Variants in TEX14 observed in about 807,000 individuals in gnomAD.
TEX14 encodes the protein testis expressed 14, intercellular bridge forming factor, also known as inactive serine/threonine-protein kinase TEX14.
Under a neutral mutation model 178.6 loss-of-function variants are expected in TEX14, and 168 were observed. That is an observed-to-expected ratio of 0.94 (90% confidence interval 0.83 to 1.07). The LOEUF (loss-of-function observed/expected upper bound fraction) is 1.07, where lower values mean the gene tolerates loss of function less well. Ranked by LOEUF, TEX14 falls within the 50% of genes least tolerant of loss-of-function variation. The pLI is 0.00. For missense variants in TEX14, 1,730 were observed against 1,753.6 expected (o/e 0.99, Z 0.24); for synonymous variants, 626 against 634.1 (o/e 0.99, Z 0.19).
intron 28 of TEX14, 112 bp from the exon 29 acceptor site, chr17:58,561,724 A>G (rs949606574): frequency 4.3e-5 from 30 of 697,124 alleles, no homozygotes; most frequent in African/African-American, 3.6e-4. Flanking sequence ...TGCTTTCACT[A>G]TATGTATGAA....
At chr17:58,571,261 G>GGCT (rs2044520480) in intron 24 of TEX14, among the ~76,000 whole-genome samples, 1 of 140,384 alleles carries the variant, frequency 7.1e-6, no homozygotes, top group African/African-American at 2.7e-5. Flanking sequence ...TTGGAGACAG[G>GGCT]GTCTCACTCT....
intron 1 of TEX14, among the ~76,000 whole-genome samples, chr17:58,684,682 A>AAAT (rs2047562606): frequency 6.7e-6 from 1 of 149,256 alleles, no homozygotes; most frequent in Admixed American, 6.8e-5. Context: ...AATAAATAAA[A>AAAT]AGCTTTCTTC....
chr17:58,563,683 A>C (rs2044331326), intron 28 of TEX14, among the ~76,000 whole-genome samples: 2 of 99,820 alleles, frequency 2.0e-5, no homozygotes, highest in East Asian at 3.2e-4. Flanking sequence ...AGAGAGAGAG[A>C]GAGAGAGAGA....
intron 28 of TEX14, among the ~76,000 whole-genome samples, chr17:58,563,910 C>T (rs553295839): frequency 6.6e-6 from 1 of 150,480 alleles, no homozygotes; most frequent in South Asian, 2.1e-4. Flanking sequence ...AGATGTTCAA[C>T]ATCATTAATC....
At chr17:58,684,180 C>G (rs144210942) in intron 1 of TEX14, among the ~76,000 whole-genome samples, 1 of 150,596 alleles carries the variant, frequency 6.6e-6, no homozygotes, top group Admixed American at 6.6e-5. Flanking sequence ...TGCTTCCGCC[C>G]GGCATGGTGA....
chr17:58,673,896 A>G (rs2047345252), intron 1 of TEX14, among the ~76,000 whole-genome samples: 3 of 152,110 alleles, frequency 2.0e-5, no homozygotes, highest in Admixed American at 2.0e-4. Context: ...GTTAGGACAT[A>G]TTATCTGTGG....
intron 14 of TEX14, among the ~76,000 whole-genome samples, chr17:58,596,393 C>CT (rs2045282390): frequency 6.6e-6 from 1 of 151,970 alleles, no homozygotes; most frequent in East Asian, 1.9e-4. Flanking sequence ...GTGATCCTCC[C>CT]ACTTCAGCCT....
intron 28 of TEX14, among the ~76,000 whole-genome samples, 160 bp from the exon 29 acceptor site, chr17:58,561,772 G>A (rs941058966): frequency 5.9e-5 from 9 of 152,298 alleles, no homozygotes; most frequent in African/African-American, 2.2e-4. Context: ...TGGAGTCATA[G>A]AGGTCACTTA....
rs866848031 is a variant in TEX14, at chr17:58,585,933, C to T, written c.2938G>A (p.Asp980Asn). ...TGATACTCAATAACTCGCTGCCAAT[C>T]CGTGTTTTCTGGGCTCCTAATGGGG... ...QPPIRSPENT[D>N]WQRVIEYHRE... Residue 980 changes from aspartate (D) to asparagine (N), a missense_variant, in exon 18 of 32, where the codon GAT (aspartate) becomes AAT (asparagine). Asp to Asn is a conservative substitution (Grantham distance 23). Around this residue, in one of 2 missense-constraint regions of TEX14, gnomAD observed 941 missense variants for 1,072.4 expected, o/e 0.88. Coordinates refer to ENST00000349033, the MANE Select transcript of TEX14 (RefSeq NM_031272.5). The T allele has an allele frequency of 6.2e-7, 1 of 1,613,944 alleles. No individual in the cohort carries two copies. Among genetic ancestry groups the T allele is most frequent in the African/African-American group, 1.3e-5 (1 of 74,858 alleles).
chr17:58,576,113 G>A (rs2044668755), intron 21 of TEX14, among the ~76,000 whole-genome samples: 1 of 152,208 alleles, frequency 6.6e-6, no homozygotes, highest in Non-Finnish European at 1.5e-5. Context: ...ATGTTATTGT[G>A]CCAGATACGT....
chr17:58,600,239 T>A (rs1361085777), intron 13 of TEX14, among the ~76,000 whole-genome samples: 7 of 152,114 alleles, frequency 4.6e-5, no homozygotes, highest in Non-Finnish European at 1.0e-4. Flanking sequence ...AACAGTAGCC[T>A]AGGGCCAGGC....
intron 2 of TEX14, among the ~76,000 whole-genome samples, chr17:58,638,538 T>G (rs1042384897): frequency 6.6e-6 from 1 of 152,080 alleles, no homozygotes; most frequent in Non-Finnish European, 1.5e-5. Flanking sequence ...GATTGGAGAC[T>G]ATAATTCTTT....
In TEX14 at chr17:58,603,590, C is replaced by G. The variant is rs533156395; in HGVS notation, c.1337-1000G>C. Among the ~76,000 whole-genome samples the G allele has an allele frequency of 3.4e-4, 49 of 145,258 alleles. No individual in the cohort carries two copies. The South Asian group carries it at 9.7e-3, about 29-fold the overall frequency. On this transcript the variant is annotated intron_variant, in intron 11 of 31. Coordinates refer to ENST00000349033, the MANE Select transcript of TEX14 (RefSeq NM_031272.5). ...AAAAAAAAAGCCTTGCACGTTGGCT[C>G]ACGCCTGTAATCCCAGCACTTTAGG...
chr17:58,592,428 G>T (rs1439328037), intron 15 of TEX14, among the ~76,000 whole-genome samples: 1 of 151,506 alleles, frequency 6.6e-6, no homozygotes, highest in Non-Finnish European at 1.5e-5. Flanking sequence ...TCTGCTTCCT[G>T]GGTTCACGCC....
intron 13 of TEX14, among the ~76,000 whole-genome samples, chr17:58,601,376 G>T (rs2045435395): frequency 6.6e-6 from 1 of 152,034 alleles, no homozygotes; most frequent in South Asian, 2.1e-4. Context: ...CAAAAAATTA[G>T]CTGGGCATGG....
chr17:58,588,927 T>C (rs960414976), intron 15 of TEX14, among the ~76,000 whole-genome samples: 21 of 152,310 alleles, frequency 1.4e-4, no homozygotes, highest in Admixed American at 9.8e-4. Context: ...ATAAAGTTTA[T>C]AAATATCTCA....
intron 17 of TEX14, 49 bp from the exon 18 acceptor site, chr17:58,586,131 AAC>A: frequency 1.3e-6 from 2 of 1,544,552 alleles, no homozygotes; most frequent in South Asian, 2.4e-5. Flanking sequence ...AAACACTGGA[AAC>A]ACAGGCTTTC....
chr17:58,674,372 T>C (rs2143500071), intron 1 of TEX14, among the ~76,000 whole-genome samples: 1 of 151,964 alleles, frequency 6.6e-6, no homozygotes, highest in Non-Finnish European at 1.5e-5. Flanking sequence ...GAATAACTTA[T>C]TTATGATGAA....
At chr17:58,666,443 A>T (rs2047207146) in intron 1 of TEX14, 1 of 149,310 alleles carries the variant, frequency 6.7e-6, no homozygotes, top group African/African-American at 2.5e-5. Context: ...ACAAAGTGAA[A>T]CAAACCTTCC....
Sources: allele counts gnomAD v4.1 joint callset (sites outside exome capture counted in the v4.1 genomes callset), GRCh38; gene constraint gnomAD v4.1.1; regional missense constraint gnomAD v4.1.1; transcripts MANE v1.5; gene names NCBI Gene and HGNC (gene_info 2026-07-23, HGNC 2026-07-21).